TARBP1: variants seen among roughly 807,000 people sequenced by gnomAD.
TARBP1 encodes tRNA (guanosine(18)-2'-O)-methyltransferase TARBP1.
In TARBP1, 144 loss-of-function variants were observed where a neutral mutation model predicts 178.6. The observed-to-expected ratio is 0.81, with a 90% CI of 0.70 to 0.93. The LOEUF is 0.93. Among genes scored for constraint, TARBP1 ranks in the 40% least tolerant of loss-of-function variants. The pLI is 0.00. For missense variants in TARBP1, 2,067 were observed against 2,011.7 expected, an observed-to-expected ratio of 1.03 and a Z score of -0.53; for synonymous variants, 787 against 781.0, an observed-to-expected ratio of 1.01 and a Z score of -0.13.
In TARBP1 at chr1:234,478,609, C is replaced by A; in HGVS notation, c.495G>T (p.Gly165=). ...EDGPLLERVA[G]TAVALALGGG... The stretch of plus-strand genomic sequence containing the variant: ...CGCCCAGCGCCAGGGCGACGGCGGT[C>A]CCCGCCACGCGCTCCAGTAGCGGCC... Residue 165 remains glycine (G), a synonymous_variant, in exon 1 of 30, where the codon GGG becomes GGT. Transcript: ENST00000040877. 2 of 1,301,088 alleles carry A rather than the reference C, an allele frequency of 1.5e-6. No homozygotes were observed. Among genetic ancestry groups the A allele is most frequent in the Non-Finnish European group, 9.7e-7 (1 of 1,026,154 alleles). 80.6% of individuals were successfully genotyped at this position (1,301,088 alleles called of 1,614,324 possible).
Position 234,391,399 on chromosome 1 carries a change from TA to T in TARBP1, c.*177del, listed in dbSNP as rs1304242494. ...AGAATACAATTTAACAAAAAGTGTTTATTAAAGGGGAAAATATATAGTAATA... is the reference window on the plus strand; with the variant it reads ...AGAATACAATTTAACAAAAAGTGTTTTTAAAGGGGAAAATATATAGTAATA... On this transcript the variant is annotated 3_prime_UTR_variant, in exon 30 of 30. Transcript: ENST00000040877. 1.9e-5 allele frequency: 9 copies of T among 465,150 alleles called. No individual in the cohort carries two copies. The highest frequency in any genetic ancestry group is 2.6e-5 in the Non-Finnish European group (7 of 271,798). 28.8% of individuals were successfully genotyped at this position (465,150 alleles called of 1,614,324 possible).
rs138394655 is a variant in TARBP1, at chr1:234,403,847, C to A, written c.3989+2056G>T. On this transcript the variant is annotated intron_variant, in intron 24 of 29. Coordinates refer to ENST00000040877, the MANE Select transcript of TARBP1 (RefSeq NM_005646.4). ...TACAGGCGCCTGCCACCACACCCAG[C>A]TAATTTTTGTATTTTTAGTAGAGAC... 1.3e-3 allele frequency among the ~76,000 whole-genome samples: 199 copies of A among 152,232 alleles called. 2 individuals carry two copies. Among genetic ancestry groups the A allele is most frequent in the Middle Eastern group, 6.8e-3 (2 of 294 alleles).
intron 4 of TARBP1, among the ~76,000 whole-genome samples, chr1:234,466,082 A>G (rs916212792): frequency 6.7e-6 from 1 of 149,978 alleles, no homozygotes; most frequent in Non-Finnish European, 1.5e-5. Context: ...CTAGAGGATA[A>G]AGAGGAAAAA....
intron 20 of TARBP1, among the ~76,000 whole-genome samples, chr1:234,421,776 A>C (rs562877843): frequency 1.3e-5 from 2 of 152,382 alleles, no homozygotes; most frequent in South Asian, 4.1e-4. Context: ...GCCATAAAGC[A>C]AGATGGCACT....
intron 7 of TARBP1, 135 bp from the exon 8 acceptor site, chr1:234,459,461 T>A (rs1472111655): frequency 6.1e-6 from 4 of 652,422 alleles, no homozygotes; most frequent in Non-Finnish European, 1.0e-5. Flanking sequence ...AGCTGTTATT[T>A]CCCATTATGG....
intron 9 of TARBP1, among the ~76,000 whole-genome samples, chr1:234,454,823 T>C (rs1667123535): frequency 6.6e-6 from 1 of 152,160 alleles, no homozygotes; most frequent in South Asian, 2.1e-4. Flanking sequence ...AACCTGTGAA[T>C]GTTACCTTAT....
chr1:234,429,277 C>T lies in TARBP1; in HGVS notation c.2919G>A (p.Ala973=), dbSNP rs757993562. 102 of 1,600,502 alleles carry T rather than the reference C, an allele frequency of 6.4e-5. No homozygotes were observed. The highest frequency in any genetic ancestry group is 2.3e-4 in the Admixed American group (13 of 55,966). The change falls in exon 17 of 30, where the codon GCG becomes GCA. Residue 973 remains alanine, a synonymous_variant. Transcript: ENST00000040877. ...TGCTTAAAGAAGATATAATTTTCCA[C>T]GCCATGTCAAAAGACTCTATGCAGA... ...ESLCIESFDM[A]WKIISSLSNT... is the part of the protein sequence containing the mutation.
chr1:234,420,138 C>G (rs902851805), intron 21 of TARBP1, among the ~76,000 whole-genome samples: 1 of 152,176 alleles, frequency 6.6e-6, no homozygotes, highest in East Asian at 1.9e-4. Flanking sequence ...ATCAGATCGT[C>G]CATTCAACTG....
In TARBP1 at chr1:234,479,078, A is replaced by G. The variant is rs1182025332; in HGVS notation, c.26T>C (p.Leu9Pro). The change falls in exon 1 of 30, where the codon CTG becomes CCG. Residue 9 changes from leucine to proline, a missense_variant. Physicochemically the swap from Leu to Pro is moderately conservative, Grantham distance 98. Transcript: ENST00000040877. MEWVLAEA[L>P]LSQSRDPRAL... ...CCGGGGGTCCCGGCTCTGCGAGAGC[A>G]GCGCTTCCGCGAGCACCCACTCCAT... 2 of 1,539,618 alleles carry G rather than the reference A, an allele frequency of 1.3e-6. No individual in the cohort carries two copies. The highest frequency in any genetic ancestry group is 1.7e-6 in the Non-Finnish European group (2 of 1,156,202).
At chr1:234,394,595 G>A (rs1659726964) in intron 26 of TARBP1, among the ~76,000 whole-genome samples, 2 of 152,228 alleles carry the variant, frequency 1.3e-5, no homozygotes, top group Non-Finnish European at 2.9e-5. Context: ...AGGGGAGGGA[G>A]AAGCAAAGGG....
At chr1:234,456,833 T>C (rs1667334056) in intron 9 of TARBP1, among the ~76,000 whole-genome samples, 1 of 152,214 alleles carries the variant, frequency 6.6e-6, no homozygotes, top group Non-Finnish European at 1.5e-5. Flanking sequence ...TTTCTTTATA[T>C]GGTTCTATAT....
At chr1:234,411,244 T>A (rs1385074712) in intron 22 of TARBP1, among the ~76,000 whole-genome samples, 1 of 152,214 alleles carries the variant, frequency 6.6e-6, no homozygotes, top group Non-Finnish European at 1.5e-5. Flanking sequence ...AGCATGTACA[T>A]TGTACTAGAC....
chr1:234,472,771 C>T lies in TARBP1; in HGVS notation c.972G>A (p.Glu324=), dbSNP rs1669196275. 18 of 1,604,270 alleles carry T rather than the reference C, an allele frequency of 1.1e-5. No homozygotes were observed. Among genetic ancestry groups the T allele is most frequent in the Admixed American group, 3.5e-5 (2 of 57,582 alleles). ...LFWWSERKKD[E]LLKFWENYIL... ...TATAATTTTCCCAAAACTTTAGAAG[C>T]TCATCTTTTTTCCTCTCAGACCACC... The change falls in exon 2 of 30, where the codon GAG becomes GAA. Residue 324 remains glutamate, a synonymous_variant. Coordinates refer to ENST00000040877, the MANE Select transcript of TARBP1 (RefSeq NM_005646.4).
intron 17 of TARBP1, 143 bp from the exon 18 acceptor site, chr1:234,427,909 A>G (rs148424809): frequency 0.027 from 12,455 of 468,084 alleles, 240 homozygotes; most frequent in South Asian, 0.065. Flanking sequence ...ACTTTGCGAG[A>G]TGATCAATAA....
chr1:234,425,315 C>T (rs766460364), intron 20 of TARBP1, among the ~76,000 whole-genome samples: 12 of 152,236 alleles, frequency 7.9e-5, no homozygotes, highest in Middle Eastern at 3.4e-3. Flanking sequence ...AGATGGTACA[C>T]GAAAAACATT....
chr1:234,463,798 G>A (rs1025141189), intron 6 of TARBP1, 39 bp downstream of exon 6: 2 of 1,230,712 alleles, frequency 1.6e-6, no homozygotes, highest in Middle Eastern at 2.1e-4. Context: ...GAAACTGTAA[G>A]CTAAAGCATT....
chr1:234,391,595 G>A lies in TARBP1; in HGVS notation c.4848C>T (p.His1616=), dbSNP rs140592795. The change falls in exon 30 of 30, where the codon CAC becomes CAT. Residue 1616 remains histidine, a synonymous_variant. Transcript: ENST00000040877. ...WEYTRQQLLS[H]GDTKP ...AGGCACATCATGGCTTGGTATCTCC[G>A]TGCGAGAGCAGCTGCTGCCTGGTGT... The A allele has an allele frequency of 9.0e-5, 145 of 1,612,206 alleles. 3 individuals are homozygous for A. The Admixed American group carries it at 1.6e-3, about 17-fold the overall frequency.
At chr1:234,439,515 A>G (rs550076490) in intron 12 of TARBP1, among the ~76,000 whole-genome samples, 26 of 152,190 alleles carry the variant, frequency 1.7e-4, no homozygotes, top group Admixed American at 3.3e-4. Context: ...ACTGCCCAAA[A>G]GAGAGTAAAG....
At chr1:234,425,510 G>C (rs1663638086) in intron 20 of TARBP1, among the ~76,000 whole-genome samples, 163 bp downstream of exon 20, 1 of 152,186 alleles carries the variant, frequency 6.6e-6, no homozygotes, top group Non-Finnish European at 1.5e-5. Context: ...GTGAGCCACA[G>C]TGTGACCAGC....
Sources: gnomAD v4.1 joint callset for allele counts (sites outside exome capture counted in the v4.1 genomes callset) on GRCh38, gnomAD v4.1.1 for gene constraint, MANE v1.5 for transcripts, NCBI Gene and HGNC (gene_info 2026-07-23, HGNC 2026-07-21) for gene names.